Variants in PCNX1 observed in about 807,000 individuals in gnomAD.
The protein encoded by PCNX1 is pecanex-like protein 1.
A neutral mutation model predicts 242.2 loss-of-function variants in PCNX1; 78 were observed. That is an observed-to-expected ratio of 0.32 (90% confidence interval 0.27 to 0.39). The LOEUF (loss-of-function observed/expected upper bound fraction) is 0.39. Among genes scored for constraint, PCNX1 ranks in the 10% least tolerant of loss-of-function variants. The pLI, the probability that PCNX1 is intolerant of heterozygous loss-of-function variation, is 1.00. For missense variants in PCNX1, 2,581 were observed against 2,856.5 expected (o/e 0.90, Z 2.20); for synonymous variants, 1,024 against 1,032.9 (o/e 0.99, Z 0.17).
chr14:70,989,456 G>A (rs1430445926), intron 7 of PCNX1, among the ~76,000 whole-genome samples: 3 of 151,036 alleles, frequency 2.0e-5, no homozygotes, highest in Non-Finnish European at 4.4e-5. Context: ...CTGAATCTAT[G>A]CCCTGAATTA....
Position 70,977,594 on chromosome 14 carries a change from G to C in PCNX1, c.1257G>C (p.Glu419Asp). The part of the protein sequence containing the change: ...HIESILSEHE[E>D]SPKAGTKSGR... ...AGAGCATCCTGTCAGAGCATGAGGA[G>C]TCTCCTAAAGCAGGAACAAAAAGTG... The change falls in exon 6 of 36, where the codon GAG becomes GAC. Residue 419 changes from glutamate to aspartate, a missense_variant. Physicochemically the swap from Glu to Asp is conservative, Grantham distance 45. Around this residue, in one of 9 missense-constraint regions of PCNX1, gnomAD observed 1,204 missense variants for 1,216.7 expected, o/e 0.99. Coordinates refer to ENST00000304743, the MANE Select transcript of PCNX1 (RefSeq NM_014982.3). 4 of 1,614,192 alleles carry C rather than the reference G, an allele frequency of 2.5e-6. No homozygotes were observed. Among genetic ancestry groups the C allele is most frequent in the Non-Finnish European group, 3.4e-6 (4 of 1,180,038 alleles).
intron 26 of PCNX1, among the ~76,000 whole-genome samples, chr14:71,059,641 C>G (rs1021798052): frequency 1.3e-5 from 2 of 152,116 alleles, no homozygotes; most frequent in Admixed American, 1.3e-4. Context: ...GACCCTCCAG[C>G]CTTGACCTCC....
In PCNX1 at chr14:71,057,742, C is replaced by T. The variant is rs1024022792; in HGVS notation, c.4852+18C>T. 2 of 1,547,472 alleles carry T rather than the reference C, an allele frequency of 1.3e-6. No individual in the cohort carries two copies. The highest frequency in any genetic ancestry group is 1.8e-6 in the Non-Finnish European group (2 of 1,120,092). On this transcript the variant is annotated intron_variant, in intron 26 of 35. Coordinates refer to ENST00000304743, the MANE Select transcript of PCNX1 (RefSeq NM_014982.3). ...ATTCAGAGGTAAGACATTCATTCAC[C>T]TTTTATTTCTGTAGCATACTCCTGT... is the stretch of plus-strand genomic sequence containing the variant.
At chr14:70,958,827 G>T (rs1251328514) in intron 2 of PCNX1, among the ~76,000 whole-genome samples, 1 of 151,388 alleles carries the variant, frequency 6.6e-6, no homozygotes, top group African/African-American at 2.4e-5. Flanking sequence ...AAACCTGAGG[G>T]TGGGGTCAAC....
chr14:71,032,688 T>G (rs1186686516), intron 16 of PCNX1, among the ~76,000 whole-genome samples: 1 of 152,156 alleles, frequency 6.6e-6, no homozygotes, highest in Admixed American at 6.5e-5. Context: ...CAGAGAACAA[T>G]GAAGGATTAG....
At chr14:70,935,490 G>T (rs552189915) in intron 1 of PCNX1, among the ~76,000 whole-genome samples, 2 of 152,334 alleles carry the variant, frequency 1.3e-5, no homozygotes, top group East Asian at 3.9e-4. Context: ...GGGGGAGAGA[G>T]TTTATTTAGG....
intron 2 of PCNX1, among the ~76,000 whole-genome samples, chr14:70,961,568 C>G (rs1427772437): frequency 1.3e-5 from 2 of 152,166 alleles, no homozygotes. Flanking sequence ...GAACCTAGTA[C>G]TTTTCTCTTT....
chr14:71,073,068 C>T (rs1327002045), intron 26 of PCNX1, among the ~76,000 whole-genome samples: 1 of 152,210 alleles, frequency 6.6e-6, no homozygotes, highest in Non-Finnish European at 1.5e-5. Flanking sequence ...CTTTGGAAGC[C>T]TGAGGCAGGC....
intron 24 of PCNX1, among the ~76,000 whole-genome samples, chr14:71,053,646 CAG>C (rs1392317810): frequency 6.6e-6 from 1 of 151,838 alleles, no homozygotes; most frequent in East Asian, 1.9e-4. Context: ...TTGGAAACAC[CAG>C]AGTTTTAAAA....
At chr14:70,988,164 A>C (rs1047492398) in intron 6 of PCNX1, among the ~76,000 whole-genome samples, 1 of 152,194 alleles carries the variant, frequency 6.6e-6, no homozygotes. Context: ...TAAGAAACTA[A>C]TGTCCTCTTC....
Position 70,977,396 on chromosome 14 carries a change from C to A in PCNX1, c.1059C>A (p.Pro353=). 6.2e-7 allele frequency: 1 copy of A among 1,614,032 alleles called. No individual in the cohort carries two copies. The highest frequency in any genetic ancestry group is 2.2e-5 in the East Asian group (1 of 44,880). ...GDLKINTSQP[P]TKSGKSKPLK... Reference sequence around the variant, plus strand: ...TGAAAATCAATACTTCTCAGCCACCCACAAAAAGTGGGAAGAGCAAACCTT... The same window carrying A: ...TGAAAATCAATACTTCTCAGCCACCAACAAAAAGTGGGAAGAGCAAACCTT... The change falls in exon 6 of 36, where the codon CCC becomes CCA. Residue 353 remains proline, a synonymous_variant. Transcript: ENST00000304743.
chr14:70,944,631 G>C (rs2057389281), intron 1 of PCNX1, among the ~76,000 whole-genome samples: 1 of 152,216 alleles, frequency 6.6e-6, no homozygotes, highest in South Asian at 2.1e-4. Context: ...GCACGTGATT[G>C]TGTTTTGAAA....
chr14:71,079,767 A>C (rs2061806089), intron 28 of PCNX1, among the ~76,000 whole-genome samples: 1 of 152,028 alleles, frequency 6.6e-6, no homozygotes, highest in Non-Finnish European at 1.5e-5. Flanking sequence ...GATTCTGGAT[A>C]TTAGCCCTTT....
intron 16 of PCNX1, among the ~76,000 whole-genome samples, chr14:71,030,521 G>A (rs2060354072): frequency 6.6e-6 from 1 of 152,076 alleles, no homozygotes; most frequent in South Asian, 2.1e-4. Context: ...CCATTTGCAC[G>A]GAGGCACCTT....
At position 71,050,699 on chromosome 14, in the gene PCNX1, C is replaced by T; in HGVS notation, c.4386C>T (p.Ala1462=). The part of the protein sequence containing the change: ...YKLQFVYTYI[A]PWQITWGSAF... ...TGCAGTTTGTGTATACCTATATTGCCCCATGGCAGATCACATGGGGTTCTG... is the reference window on the plus strand; with the variant it reads ...TGCAGTTTGTGTATACCTATATTGCTCCATGGCAGATCACATGGGGTTCTG... The change falls in exon 23 of 36, where the codon GCC becomes GCT. Residue 1462 remains alanine, a synonymous_variant. Coordinates refer to ENST00000304743, the MANE Select transcript of PCNX1 (RefSeq NM_014982.3). 1 of 1,612,980 alleles carries T rather than the reference C, an allele frequency of 6.2e-7. No individual in the cohort carries two copies. Among genetic ancestry groups the T allele is most frequent in the East Asian group, 2.2e-5 (1 of 44,844 alleles).
chr14:70,949,094 A>G (rs1292493993), intron 2 of PCNX1, among the ~76,000 whole-genome samples: 2 of 147,500 alleles, frequency 1.4e-5, no homozygotes, highest in African/African-American at 4.9e-5. Context: ...ATGTGTATAT[A>G]TACATACATG....
intron 2 of PCNX1, among the ~76,000 whole-genome samples, chr14:70,950,488 A>G (rs1039932174): frequency 3.3e-5 from 5 of 152,158 alleles, no homozygotes; most frequent in African/African-American, 1.2e-4. Flanking sequence ...ATGTTCTATC[A>G]TAGTTTTTCA....
rs1444639652 is a variant in PCNX1, at chr14:70,974,535, G to A, written c.605-2407G>A. Among the ~76,000 whole-genome samples, 4 of 152,038 alleles carry A rather than the reference G, an allele frequency of 2.6e-5. No homozygotes were observed. In the South Asian group the frequency reaches 6.2e-4, roughly 24 times the overall value. Reference sequence around the variant, plus strand: ...TTATTAGTGGACCACATATTCAATCGTTATTTATAGGACATTGTTATACTT... The same window carrying A: ...TTATTAGTGGACCACATATTCAATCATTATTTATAGGACATTGTTATACTT... On this transcript the variant is annotated intron_variant, in intron 5 of 35. Coordinates refer to ENST00000304743, the MANE Select transcript of PCNX1 (RefSeq NM_014982.3).
At chr14:71,032,985 C>T (rs552270004) in intron 16 of PCNX1, among the ~76,000 whole-genome samples, 2 of 152,288 alleles carry the variant, frequency 1.3e-5, no homozygotes, top group South Asian at 4.1e-4. Flanking sequence ...AGTAACACAC[C>T]AAATGTCAGA....
Sources: allele counts gnomAD v4.1 joint callset (sites outside exome capture counted in the v4.1 genomes callset), GRCh38; gene constraint gnomAD v4.1.1; regional missense constraint gnomAD v4.1.1; transcripts MANE v1.5; gene names NCBI Gene and HGNC (gene_info 2026-07-23, HGNC 2026-07-21).